ADAMTS18: variants seen among roughly 807,000 people sequenced by gnomAD.
The protein encoded by ADAMTS18 is A disintegrin and metalloproteinase with thrombospondin motifs 18.
ADAMTS18 carries 157 observed loss-of-function variants against 165.9 expected under a neutral mutation model. The ratio of observed to expected loss-of-function variants is 0.95; its 90% CI spans 0.83 to 1.08. ADAMTS18 has a LOEUF of 1.08. Ranked by LOEUF, ADAMTS18 falls within the 50% of genes least tolerant of loss-of-function variation. The probability of loss-of-function intolerance (pLI) is 0.00; values close to 1 mark genes in which losing one functional copy is unlikely to be tolerated. For missense variants in ADAMTS18, 2,040 were observed against 1,534.0 expected (o/e 1.33, Z -5.51); for synonymous variants, 782 against 578.2 (o/e 1.35, Z -5.06).
chr16:77,324,491 T>C (rs35386305), intron 13 of ADAMTS18, among the ~76,000 whole-genome samples: 217 of 152,348 alleles, frequency 1.4e-3, no homozygotes, highest in Non-Finnish European at 1.3e-3. Flanking sequence ...TGTTCTTGGA[T>C]GCTGGAGATA....
At chr16:77,339,503 C>G (rs894492201) in intron 11 of ADAMTS18, among the ~76,000 whole-genome samples, 4 of 151,662 alleles carry the variant, frequency 2.6e-5, no homozygotes, top group Admixed American at 2.6e-4. Context: ...TGTAATAAAT[C>G]TTTAGACCTA....
intron 3 of ADAMTS18, among the ~76,000 whole-genome samples, chr16:77,417,594 A>G (rs1274233702): frequency 2.0e-5 from 3 of 152,204 alleles, no homozygotes; most frequent in Non-Finnish European, 4.4e-5. Flanking sequence ...ACATCTAACA[A>G]TCCAATTGCA....
At chr16:77,399,905 C>T (rs771660378) in intron 3 of ADAMTS18, among the ~76,000 whole-genome samples, 1 of 152,130 alleles carries the variant, frequency 6.6e-6, no homozygotes, top group Non-Finnish European at 1.5e-5. Context: ...ATAGCTTTGT[C>T]TGTACAATCT....
At position 77,295,026 on chromosome 16, in the gene ADAMTS18, T is replaced by A. The variant is rs749845166; in HGVS notation, c.2903A>T (p.Glu968Val). The A allele has an allele frequency of 6.2e-7, 1 of 1,614,168 alleles. No individual in the cohort carries two copies. The highest frequency in any genetic ancestry group is 1.7e-5 in the Admixed American group (1 of 60,014). Residue 968 changes from glutamate to valine, a missense_variant, in exon 19 of 23, where the codon GAA becomes GTA. Transcript: ENST00000282849. ...TGGACAGAGAGAATGCAACACTGCT[T>A]CCTCCTTTTGGAAGGGCTTCTTTTG... ...CVQKKPFQKE[E>V]AVLHSLCPVS...
chr16:77,352,986 G>T (rs144751671), intron 10 of ADAMTS18, among the ~76,000 whole-genome samples: 1 of 151,868 alleles, frequency 6.6e-6, no homozygotes, highest in Non-Finnish European at 1.5e-5. Flanking sequence ...AGGCTGAGGC[G>T]GGAGAATGGC....
At chr16:77,396,089 C>T (rs2057253260) in intron 3 of ADAMTS18, among the ~76,000 whole-genome samples, 1 of 152,100 alleles carries the variant, frequency 6.6e-6, no homozygotes, top group Non-Finnish European at 1.5e-5. Context: ...GCCAAGGGCA[C>T]CCAACTCTTT....
chr16:77,431,862 G>T (rs1597268927), intron 2 of ADAMTS18: 2 of 552,364 alleles, frequency 3.6e-6, no homozygotes, highest in East Asian at 6.2e-5. Flanking sequence ...GGATGTCTGT[G>T]GAAAAATGTA....
intron 16 of ADAMTS18, among the ~76,000 whole-genome samples, chr16:77,316,733 G>A (rs768945297): frequency 2.0e-5 from 3 of 151,818 alleles, no homozygotes; most frequent in East Asian, 1.9e-4. Flanking sequence ...GCAGTGGTGC[G>A]ATCTCGGCTT....
intron 20 of ADAMTS18, among the ~76,000 whole-genome samples, chr16:77,292,200 G>C (rs535926291): frequency 3.3e-4 from 50 of 152,076 alleles, no homozygotes; most frequent in African/African-American, 1.0e-3. Flanking sequence ...CCTCTAGTCC[G>C]AGGCAGCAGA....
At chr16:77,385,523 G>C (rs1456070722) in intron 3 of ADAMTS18, among the ~76,000 whole-genome samples, 2 of 152,160 alleles carry the variant, frequency 1.3e-5, no homozygotes, top group East Asian at 1.9e-4. Context: ...CTATCAGAAA[G>C]ACACGTGTTT....
At chr16:77,284,644 T>TA (rs929301905) in intron 22 of ADAMTS18, among the ~76,000 whole-genome samples, 61 of 152,218 alleles carry the variant, frequency 4.0e-4, no homozygotes, top group African/African-American at 1.4e-3. Context: ...GATTTGTTTT[T>TA]AAAAAATGTC....
intron 11 of ADAMTS18, among the ~76,000 whole-genome samples, chr16:77,341,214 C>T (rs780536200): frequency 1.3e-5 from 2 of 152,152 alleles, no homozygotes; most frequent in Non-Finnish European, 2.9e-5. Context: ...TAGGTACACA[C>T]TAGGTGGAGG....
chr16:77,421,244 C>T (rs2057598471), intron 3 of ADAMTS18, among the ~76,000 whole-genome samples: 1 of 152,196 alleles, frequency 6.6e-6, no homozygotes, highest in Non-Finnish European at 1.5e-5. Context: ...GGTGAGCTTG[C>T]TGTCCAGACA....
intron 12 of ADAMTS18, among the ~76,000 whole-genome samples, chr16:77,333,752 G>C (rs2144666971): frequency 6.7e-6 from 1 of 150,082 alleles, no homozygotes; most frequent in South Asian, 2.1e-4. Context: ...TAATTGAACA[G>C]TGTGCCATGT....
At chr16:77,387,994 T>C (rs1025417693) in intron 3 of ADAMTS18, among the ~76,000 whole-genome samples, 1 of 152,202 alleles carries the variant, frequency 6.6e-6, no homozygotes, top group Admixed American at 6.5e-5. Context: ...CTTCCTAGGA[T>C]GGCAGAGCTT....
intron 16 of ADAMTS18, among the ~76,000 whole-genome samples, chr16:77,315,479 G>A (rs2055870457): frequency 6.6e-6 from 1 of 152,200 alleles, no homozygotes; most frequent in African/African-American, 2.4e-5. Flanking sequence ...ATGAATGAGG[G>A]CATCTCCACT....
intron 3 of ADAMTS18, among the ~76,000 whole-genome samples, chr16:77,400,254 C>A (rs756120890): frequency 6.6e-6 from 1 of 152,110 alleles, no homozygotes; most frequent in Non-Finnish European, 1.5e-5. Flanking sequence ...GACCACATCC[C>A]ACCTAGAGCC....
intron 3 of ADAMTS18, among the ~76,000 whole-genome samples, chr16:77,368,202 A>C (rs2056826654): frequency 6.6e-6 from 1 of 152,130 alleles, no homozygotes; most frequent in African/African-American, 2.4e-5. Context: ...ATTGAAGCTA[A>C]GATAGTAAGT....
At chr16:77,314,778 A>ATATATATATATATATATATATATATG (rs1366859577) in intron 16 of ADAMTS18, among the ~76,000 whole-genome samples, 15 of 85,506 alleles carry the variant, frequency 1.8e-4, no homozygotes, top group Non-Finnish European at 3.2e-4. Context: ...ATATATATAT[A>ATATATATATATATATATATATATATG]TATATATAAA....
Sources: allele counts gnomAD v4.1 joint callset (sites outside exome capture counted in the v4.1 genomes callset), GRCh38; gene constraint gnomAD v4.1.1; transcripts MANE v1.5; gene names NCBI Gene and HGNC (gene_info 2026-07-23, HGNC 2026-07-21).